Variants in PRKCA observed in about 807,000 individuals in gnomAD.
PRKCA encodes the protein protein kinase C alpha type.
A neutral mutation model predicts 87.0 loss-of-function variants in PRKCA; 27 were observed. The observed-to-expected ratio is 0.31, with a 90% confidence interval of 0.23 to 0.43. PRKCA has a LOEUF of 0.43. PRKCA is among the 20% of genes least tolerant of loss of function. The pLI, the probability that PRKCA is intolerant of heterozygous loss-of-function variation, is 1.00. For missense variants in PRKCA, 518 were observed against 852.3 expected (o/e 0.61, Z 4.88); for synonymous variants, 329 against 311.1 (o/e 1.06, Z -0.61).
chr17:66,628,295 A>G (rs73994245), intron 3 of PRKCA, among the ~76,000 whole-genome samples: 1 of 152,294 alleles, frequency 6.6e-6, no homozygotes, highest in African/African-American at 2.4e-5. Flanking sequence ...ATAGATGCTC[A>G]TGGTAGTGTT....
chr17:66,539,386 A>G (rs1967900835), intron 3 of PRKCA, among the ~76,000 whole-genome samples: 1 of 151,334 alleles, frequency 6.6e-6, no homozygotes, highest in South Asian at 2.1e-4. Flanking sequence ...CATTAAATTC[A>G]TTTAATTTAA....
At chr17:66,710,859 G>A (rs907263132) in intron 8 of PRKCA, among the ~76,000 whole-genome samples, 2 of 150,708 alleles carry the variant, frequency 1.3e-5, no homozygotes, top group African/African-American at 2.4e-5. Context: ...GTGAAACCCC[G>A]TCTCTACCAA....
intron 13 of PRKCA, among the ~76,000 whole-genome samples, chr17:66,763,835 A>C (rs1481479626): frequency 6.6e-6 from 1 of 152,090 alleles, no homozygotes; most frequent in Non-Finnish European, 1.5e-5. Flanking sequence ...ATCTCCACAC[A>C]CGTACTTTAT....
intron 3 of PRKCA, among the ~76,000 whole-genome samples, chr17:66,612,542 G>A (rs1970399562): frequency 6.6e-6 from 1 of 152,096 alleles, no homozygotes; most frequent in African/African-American, 2.4e-5. Flanking sequence ...TAAATAGAGT[G>A]CACACACAGA....
intron 3 of PRKCA, among the ~76,000 whole-genome samples, chr17:66,566,229 G>A (rs913565187): frequency 1.3e-4 from 20 of 152,212 alleles, no homozygotes; most frequent in Admixed American, 9.2e-4. Context: ...CTTTCAGAGT[G>A]ACCCAGCCCC....
intron 3 of PRKCA, among the ~76,000 whole-genome samples, chr17:66,526,439 C>T (rs1967350348): frequency 6.6e-6 from 1 of 152,136 alleles, no homozygotes; most frequent in African/African-American, 2.4e-5. Context: ...CTGTGCTCAG[C>T]TAGGCATCTC....
Position 66,809,534 on chromosome 17 carries a change from A to G in PRKCA, c.*5497A>G, listed in dbSNP as rs1315987506. On this transcript the variant is annotated 3_prime_UTR_variant, in exon 17 of 17. Coordinates refer to ENST00000413366, the MANE Select transcript of PRKCA (RefSeq NM_002737.3). ...AGTTTTTAGAACAAAGCAACTGACG[A>G]TTTCCTAAGATTCCAATGCCCTGGA... The G allele has an allele frequency of 6.6e-6, 1 of 152,184 alleles. No homozygotes were observed. Among genetic ancestry groups the G allele is most frequent in the East Asian group, 1.9e-4 (1 of 5,186 alleles). 9.4% of individuals were successfully genotyped at this position (152,184 alleles called of 1,614,324 possible). A position where few individuals can be genotyped will look rare whatever the true frequency, so the allele number is the denominator to read the frequency against.
chr17:66,347,535 CT>C (rs1907462097), intron 2 of PRKCA, among the ~76,000 whole-genome samples: 2 of 152,138 alleles, frequency 1.3e-5, no homozygotes, highest in South Asian at 4.1e-4. Flanking sequence ...TTGAATGGCT[CT>C]TTTATGTGTT....
chr17:66,745,406 C>G (rs1974255866), intron 13 of PRKCA, among the ~76,000 whole-genome samples: 1 of 152,182 alleles, frequency 6.6e-6, no homozygotes, highest in Admixed American at 6.5e-5. Context: ...CTTGGCTGGG[C>G]ACAGTGGCTC....
chr17:66,445,300 A>G (rs552722744), intron 2 of PRKCA, among the ~76,000 whole-genome samples: 1 of 152,262 alleles, frequency 6.6e-6, no homozygotes, highest in Admixed American at 6.5e-5. Flanking sequence ...GAGAGTGAAA[A>G]CTGAGCTCTG....
intron 3 of PRKCA, among the ~76,000 whole-genome samples, chr17:66,545,730 A>G (rs1207595838): frequency 1.3e-5 from 2 of 152,240 alleles, no homozygotes; most frequent in South Asian, 2.1e-4. Flanking sequence ...AGAGAAGAAC[A>G]TTAAAAAAAT....
intron 3 of PRKCA, among the ~76,000 whole-genome samples, chr17:66,531,627 CTGACTGA>C (rs112089307): frequency 0.028 from 4,190 of 152,296 alleles, 170 homozygotes; most frequent in African/African-American, 0.095. Flanking sequence ...GTGCAGCAAC[CTGACTGA>C]TGTTTTTACA....
At chr17:66,546,993 T>G (rs1968163929) in intron 3 of PRKCA, among the ~76,000 whole-genome samples, 1 of 152,194 alleles carries the variant, frequency 6.6e-6, no homozygotes, top group South Asian at 2.1e-4. Flanking sequence ...ATCTCCCATA[T>G]CTGTCCCCTC....
At chr17:66,782,701 T>C (rs1720118334) in intron 14 of PRKCA, among the ~76,000 whole-genome samples, 1 of 152,226 alleles carries the variant, frequency 6.6e-6, no homozygotes, top group Non-Finnish European at 1.5e-5. Flanking sequence ...TTCTAAAATT[T>C]ACCCCAACAC....
At chr17:66,381,763 T>G (rs1909785933) in intron 2 of PRKCA, among the ~76,000 whole-genome samples, 1 of 152,182 alleles carries the variant, frequency 6.6e-6, no homozygotes, top group Non-Finnish European at 1.5e-5. Context: ...AAGAAATAGT[T>G]TAGCTTCTTT....
intron 16 of PRKCA, chr17:66,796,343 G>T (rs780011629): frequency 1.4e-6 from 1 of 734,126 alleles, no homozygotes; most frequent in Non-Finnish European, 1.7e-6. Flanking sequence ...ATCAGCTCAC[G>T]TGGGTTTATA....
intron 5 of PRKCA, among the ~76,000 whole-genome samples, chr17:66,670,907 ACAGAG>A (rs1248576664): frequency 6.6e-6 from 1 of 151,896 alleles, no homozygotes; most frequent in Admixed American, 6.6e-5. Flanking sequence ...TGCAAAGAAA[ACAGAG>A]TATAGTAAAA....
chr17:66,587,887 GTGTGTGTGTATATATATATATATA>G lies in PRKCA; in HGVS notation c.289-53466_289-53443del, dbSNP rs1409703621. On this transcript the variant is annotated intron_variant, in intron 3 of 16. Coordinates refer to ENST00000413366, the MANE Select transcript of PRKCA (RefSeq NM_002737.3). ...CATATGTATGTGTGTGTGTGTGTGT[GTGTGTGTGTATATATATATATATA>G]TATATATATATATATATATATCCTG... is the stretch of plus-strand genomic sequence containing the variant. 1.0e-4 allele frequency among the ~76,000 whole-genome samples: 10 copies of G among 99,012 alleles called. 2 individuals are homozygous for G. The highest frequency in any genetic ancestry group is 1.1e-4 in the Admixed American group (1 of 9,316). 65.0% of individuals were successfully genotyped at this position (99,012 alleles called of 152,430 possible).
chr17:66,439,076 A>C (rs72838280), intron 2 of PRKCA, among the ~76,000 whole-genome samples: 4 of 152,344 alleles, frequency 2.6e-5, no homozygotes, highest in Admixed American at 1.3e-4. Flanking sequence ...ACCTCAGTGC[A>C]TAAGGCACTG....
Sources: gnomAD v4.1 joint callset for allele counts (sites outside exome capture counted in the v4.1 genomes callset) on GRCh38, gnomAD v4.1.1 for gene constraint, MANE v1.5 for transcripts, NCBI Gene and HGNC (gene_info 2026-07-23, HGNC 2026-07-21) for gene names.